RBFOX1: variants seen among roughly 807,000 people sequenced by gnomAD.
RBFOX1 encodes the protein RNA binding protein fox-1 homolog 1.
RBFOX1 carries 8 observed loss-of-function variants against 57.7 expected under a neutral mutation model. The observed-to-expected ratio is 0.14, with a 90% CI of 0.08 to 0.25. RBFOX1 has a LOEUF of 0.25. Ranked by LOEUF, RBFOX1 falls within the 10% of genes least tolerant of loss-of-function variation. The pLI is 1.00. For synonymous variants in RBFOX1, 326 were observed against 222.4 expected, an observed-to-expected ratio of 1.47 and a Z score of -4.15; for missense variants, 611 against 548.5, an observed-to-expected ratio of 1.11 and a Z score of -1.14.
At chr16:5,830,015 A>G (rs1040208903) in intron 3 of RBFOX1, among the ~76,000 whole-genome samples, 2 of 152,168 alleles carry the variant, frequency 1.3e-5, no homozygotes, top group Admixed American at 6.5e-5. Context: ...CGTTTGCTCA[A>G]TACATTCAAA....
intron 3 of RBFOX1, among the ~76,000 whole-genome samples, chr16:6,888,322 G>A (rs1256711033): frequency 6.6e-6 from 1 of 152,138 alleles, no homozygotes; most frequent in African/African-American, 2.4e-5. Context: ...TACACAGTTG[G>A]CAATATACAA....
chr16:5,629,076 A>T (rs955820330), intron 3 of RBFOX1, among the ~76,000 whole-genome samples: 2 of 150,780 alleles, frequency 1.3e-5, no homozygotes, highest in Admixed American at 6.7e-5. Context: ...GCAGTAAGCA[A>T]TCAAGAGAAA....
chr16:7,106,080 C>T (rs1308986106), intron 4 of RBFOX1, among the ~76,000 whole-genome samples: 2 of 152,192 alleles, frequency 1.3e-5, no homozygotes, highest in African/African-American at 4.8e-5. Context: ...AGTACCCCCA[C>T]CTCCTGTCTT....
intron 2 of RBFOX1, among the ~76,000 whole-genome samples, chr16:5,561,039 T>C (rs1207156776): frequency 6.6e-6 from 1 of 152,210 alleles, no homozygotes; most frequent in Non-Finnish European, 1.5e-5. Flanking sequence ...CTAAAGATTT[T>C]ATTGCAACTT....
At chr16:7,120,291 A>G (rs762432183) in intron 4 of RBFOX1, among the ~76,000 whole-genome samples, 15 of 151,974 alleles carry the variant, frequency 9.9e-5, no homozygotes, top group Non-Finnish European at 2.1e-4. Context: ...TAAAAAAAGC[A>G]AATCAAAAAC....
At chr16:6,601,683 A>G (rs896907680) in intron 2 of RBFOX1, among the ~76,000 whole-genome samples, 1 of 152,160 alleles carries the variant, frequency 6.6e-6, no homozygotes, top group Non-Finnish European at 1.5e-5. Flanking sequence ...ATAAGAGGTC[A>G]GATCTGTAGG....
At chr16:5,774,502 T>C (rs1207428078) in intron 3 of RBFOX1, among the ~76,000 whole-genome samples, 1 of 152,236 alleles carries the variant, frequency 6.6e-6, no homozygotes, top group Non-Finnish European at 1.5e-5. Flanking sequence ...TCAATCTATT[T>C]CAACAAGGAG....
chr16:7,091,571 G>C (rs1006844228), intron 4 of RBFOX1, among the ~76,000 whole-genome samples: 2 of 151,776 alleles, frequency 1.3e-5, no homozygotes, highest in Non-Finnish European at 2.9e-5. Flanking sequence ...TTTTTCTACA[G>C]GATCCTGAGA....
chr16:6,635,786 C>G (rs1176746790), intron 2 of RBFOX1, among the ~76,000 whole-genome samples: 1 of 152,060 alleles, frequency 6.6e-6, no homozygotes. Flanking sequence ...ATGCACTTGA[C>G]CAGTCAGTCT....
At chr16:7,409,192 A>T (rs986286377) in intron 4 of RBFOX1, among the ~76,000 whole-genome samples, 2 of 152,190 alleles carry the variant, frequency 1.3e-5, no homozygotes, top group African/African-American at 4.8e-5. Flanking sequence ...TGCTGTGATC[A>T]GAGAGTCTGG....
At chr16:6,651,270 A>G (rs1568048531) in intron 2 of RBFOX1, among the ~76,000 whole-genome samples, 1 of 152,236 alleles carries the variant, frequency 6.6e-6, no homozygotes, top group East Asian at 1.9e-4. Context: ...CTCCATGGAG[A>G]GCATGGCCAG....
At chr16:6,733,260 C>T (rs2069143652) in intron 3 of RBFOX1, among the ~76,000 whole-genome samples, 1 of 152,094 alleles carries the variant, frequency 6.6e-6, no homozygotes, top group Non-Finnish European at 1.5e-5. Flanking sequence ...GAAATTTGGC[C>T]TTCAGTGTGA....
At chr16:7,567,676 G>A (rs1355063197) in intron 5 of RBFOX1, among the ~76,000 whole-genome samples, 2 of 120,164 alleles carry the variant, frequency 1.7e-5, no homozygotes, top group South Asian at 2.7e-4. Flanking sequence ...CCTATATATG[G>A]CCCTATATAG....
chr16:7,060,454 C>G (rs1338731538), intron 4 of RBFOX1, among the ~76,000 whole-genome samples: 1 of 152,168 alleles, frequency 6.6e-6, no homozygotes, highest in Non-Finnish European at 1.5e-5. Flanking sequence ...AAACAAAAGC[C>G]TGAAGTTATT....
At chr16:5,622,285 T>TTTGTCATGCTTCTCAAAATGGTGGGAA (rs2048221904) in intron 3 of RBFOX1, among the ~76,000 whole-genome samples, 1 of 152,176 alleles carries the variant, frequency 6.6e-6, no homozygotes, top group Non-Finnish European at 1.5e-5. Flanking sequence ...ATATCTTCTG[T>TTTGTCATGCTTCTCAAAATGGTGGGAA]TTGTCATGCT....
At chr16:5,727,229 G>A (rs2052185383) in intron 3 of RBFOX1, among the ~76,000 whole-genome samples, 1 of 151,766 alleles carries the variant, frequency 6.6e-6, no homozygotes, top group Non-Finnish European at 1.5e-5. Flanking sequence ...CCAAGATTGT[G>A]CCACTGCACT....
intron 4 of RBFOX1, among the ~76,000 whole-genome samples, chr16:7,186,826 G>C (rs1056066532): frequency 2.7e-5 from 4 of 150,902 alleles, no homozygotes; most frequent in Admixed American, 6.6e-5. Flanking sequence ...AATGTATTCA[G>C]TGTTTTGAAC....
At chr16:5,392,312 G>A (rs2066433801) in intron 1 of RBFOX1, among the ~76,000 whole-genome samples, 1 of 151,906 alleles carries the variant, frequency 6.6e-6, no homozygotes, top group African/African-American at 2.4e-5. Context: ...AATAAAATAA[G>A]GGCATAGTCA....
intron 3 of RBFOX1, among the ~76,000 whole-genome samples, chr16:6,855,914 T>C (rs1432123875): frequency 6.8e-6 from 1 of 147,934 alleles, no homozygotes; most frequent in African/African-American, 2.5e-5. Context: ...CTTCTTTCCT[T>C]CTTTCTTTAC....
Sources: allele counts gnomAD v4.1 joint callset (sites outside exome capture counted in the v4.1 genomes callset), GRCh38; gene constraint gnomAD v4.1.1; transcripts MANE v1.5; gene names NCBI Gene and HGNC (gene_info 2026-07-23, HGNC 2026-07-21).